The following FBN1 variants were observed in gnomAD, a reference collection of about 807,000 sequenced individuals.
FBN1 encodes the protein fibrillin 1.
FBN1 carries 29 observed loss-of-function variants against 365.1 expected under a neutral mutation model. That is an observed-to-expected ratio of 0.08 (90% CI 0.06 to 0.11). The LOEUF is 0.11. Among genes scored for constraint, FBN1 ranks in the 10% least tolerant of loss-of-function variants. The probability of loss-of-function intolerance (pLI) is 1.00; values close to 1 mark genes in which losing one functional copy is unlikely to be tolerated. For missense variants in FBN1, 2,476 were observed against 3,703.2 expected, an observed-to-expected ratio of 0.67 and a Z score of 8.60; for synonymous variants, 1,210 against 1,270.5, an observed-to-expected ratio of 0.95 and a Z score of 1.01.
intron 6 of FBN1, among the ~76,000 whole-genome samples, chr15:48,591,551 G>A (rs999230810): frequency 6.6e-6 from 1 of 152,144 alleles, no homozygotes; most frequent in Non-Finnish European, 1.5e-5. Flanking sequence ...GAGCAGATTC[G>A]TACGTTGAAA....
intron 6 of FBN1, among the ~76,000 whole-genome samples, chr15:48,571,536 TTAAAG>T (rs1404633690): frequency 6.6e-6 from 1 of 152,050 alleles, no homozygotes; most frequent in Non-Finnish European, 1.5e-5. Context: ...GCAAAAATAT[TTAAAG>T]TAAAGAAGAT....
chr15:48,488,030 A>C, intron 27 of FBN1, 83 bp downstream of exon 27: 1 of 1,579,588 alleles, frequency 6.3e-7, no homozygotes, highest in East Asian at 2.2e-5. Context: ...GGCAGCAGGA[A>C]GAACCTGGAA....
In FBN1 at chr15:48,499,582, T is replaced by G. The variant is rs540822840; in HGVS notation, c.2114-544A>C. Among the ~76,000 whole-genome samples the G allele has an allele frequency of 7.2e-5, 11 of 152,346 alleles. No individual in the cohort carries two copies. In the South Asian group the frequency reaches 1.2e-3, roughly 17 times the overall value. On this transcript the variant is annotated intron_variant, in intron 17 of 65. Coordinates refer to ENST00000316623, the MANE Select transcript of FBN1 (RefSeq NM_000138.5). Reference sequence around the variant, plus strand: ...AATATGTATCAGGATACTGGATTCATTCTCTATGGTATATCCATAGAGAAA... The same window carrying G: ...AATATGTATCAGGATACTGGATTCAGTCTCTATGGTATATCCATAGAGAAA...
intron 53 of FBN1, among the ~76,000 whole-genome samples, chr15:48,436,263 T>TA (rs968575733): frequency 8.5e-5 from 13 of 152,128 alleles, no homozygotes; most frequent in Non-Finnish European, 1.3e-4. Flanking sequence ...CTAGAAAAGC[T>TA]AAAAAAACTG....
chr15:48,618,177 T>C (rs1191024710), intron 2 of FBN1, among the ~76,000 whole-genome samples: 4 of 152,160 alleles, frequency 2.6e-5, no homozygotes, highest in South Asian at 2.1e-4. Context: ...CAACTTCCCA[T>C]GTAATGTGTC....
chr15:48,508,948 CTATT>C (rs2043736209), intron 14 of FBN1, among the ~76,000 whole-genome samples: 1 of 152,118 alleles, frequency 6.6e-6, no homozygotes, highest in Non-Finnish European at 1.5e-5. Flanking sequence ...ATAGGTATAT[CTATT>C]TATAAAATTT....
chr15:48,466,773 C>T (rs1320938954), intron 38 of FBN1, among the ~76,000 whole-genome samples: 1 of 152,074 alleles, frequency 6.6e-6, no homozygotes, highest in African/African-American at 2.4e-5. Flanking sequence ...TCTTAGTTTG[C>T]CCCCTTCGAC....
At position 48,437,025 on chromosome 15, in the gene FBN1, A is replaced by G. The variant is rs1191949195; in HGVS notation, c.6432T>C (p.Asn2144=). Residue 2144 remains asparagine, a synonymous_variant, in exon 53 of 66, where the codon AAT becomes AAC. Coordinates refer to ENST00000316623, the MANE Select transcript of FBN1 (RefSeq NM_000138.5). Reference sequence around the variant, plus strand: ...ACTCGCAGCGATAGGAACCATCTGTATTGATGCACTGTCCATGTTTACAGA... The same window carrying G: ...ACTCGCAGCGATAGGAACCATCTGTGTTGATGCACTGTCCATGTTTACAGA... ...PDVCKHGQCI[N]TDGSYRCECP... 3.1e-6 allele frequency: 5 copies of G among 1,613,576 alleles called. No individual in the cohort carries two copies. Among genetic ancestry groups the G allele is most frequent in the Non-Finnish European group, 4.2e-6 (5 of 1,179,632 alleles).
intron 2 of FBN1, among the ~76,000 whole-genome samples, chr15:48,637,066 T>C (rs1244874819): frequency 6.6e-6 from 1 of 152,162 alleles, no homozygotes; most frequent in Non-Finnish European, 1.5e-5. Flanking sequence ...GCATTCTAGG[T>C]CCTCCTCGCC....
rs1235270450 is a variant in FBN1 at position 48,483,914 on chromosome 15, T to C, written c.3742A>G (p.Ile1248Val). The C allele has an allele frequency of 6.2e-7, 1 of 1,613,412 alleles. No homozygotes were observed. The highest frequency in any genetic ancestry group is 2.2e-5 in the East Asian group (1 of 44,856). ...DIDECEDNPNICDGGQCTNIP... is the reference protein window; with the variant it reads ...DIDECEDNPNVCDGGQCTNIP... ...TTTGTGCACTGACCACCATCACAGA[T>C]ATTGGGATTATCTTCACACTCATCG... The change falls in exon 31 of 66, where the codon ATC (isoleucine) becomes GTC (valine). Residue 1248 changes from isoleucine to valine, a missense_variant. This residue lies in a region of FBN1 where 1,780 missense variants were observed against 2,840.8 expected (regional missense o/e 0.63). Coordinates refer to ENST00000316623, the MANE Select transcript of FBN1 (RefSeq NM_000138.5).
At chr15:48,420,578 T>G in intron 63 of FBN1, 109 bp downstream of exon 63, 2 of 1,438,040 alleles carry the variant, frequency 1.4e-6, no homozygotes, top group Non-Finnish European at 1.9e-6. Flanking sequence ...CAATTTTAAA[T>G]GAGTATTTGT....
At chr15:48,459,756 C>T (rs1423378534) in intron 43 of FBN1, among the ~76,000 whole-genome samples, 1 of 152,164 alleles carries the variant, frequency 6.6e-6, no homozygotes, top group Non-Finnish European at 1.5e-5. Flanking sequence ...GGCCTCAGAC[C>T]GAAAAGATTT....
intron 6 of FBN1, among the ~76,000 whole-genome samples, chr15:48,568,307 T>C (rs573316557): frequency 6.6e-6 from 1 of 152,174 alleles, no homozygotes; most frequent in South Asian, 2.1e-4. Flanking sequence ...ATAAATCTAA[T>C]GACAAAAGTG....
At chr15:48,461,500 CA>C (rs1409154881) in intron 42 of FBN1, among the ~76,000 whole-genome samples, 2 of 152,074 alleles carry the variant, frequency 1.3e-5, no homozygotes, top group African/African-American at 4.8e-5. Flanking sequence ...TATATTAGAA[CA>C]GCTCAGAAAA....
In FBN1 at chr15:48,409,472, C is replaced by A. The variant is rs1335850551; in HGVS notation, c.*1518G>T. On this transcript the variant is annotated 3_prime_UTR_variant, in exon 66 of 66. Coordinates refer to ENST00000316623, the MANE Select transcript of FBN1 (RefSeq NM_000138.5). ...TTCACTACCACGAAATGCTTTCCTG[C>A]CCTTAGGGATTTAAAAAATTATTTC... The A allele has an allele frequency of 6.6e-6, 1 of 152,146 alleles. No homozygotes were observed. The highest frequency in any genetic ancestry group is 2.4e-5 in the African/African-American group (1 of 41,412). The allele number at this position is 152,146 out of a possible 1,614,324, so 9.4% of individuals were successfully genotyped here. A position where few individuals can be genotyped will look rare whatever the true frequency, so the allele number is the denominator to read the frequency against.
At position 48,441,591 on chromosome 15, in the gene FBN1, G is replaced by A. The variant is rs2278187; in HGVS notation, c.6163+130C>T. Reference sequence around the variant, plus strand: ...ACCTTCTGACATATGGTTATCATTAGACCTCTGGGTGAATGAAAACTCTCC... The same window carrying A: ...ACCTTCTGACATATGGTTATCATTAAACCTCTGGGTGAATGAAAACTCTCC... On this transcript the variant is annotated intron_variant, in intron 50 of 65. Coordinates refer to ENST00000316623, the MANE Select transcript of FBN1 (RefSeq NM_000138.5). 0.023 allele frequency: 26,569 copies of A among 1,134,234 alleles called. 630 individuals carry two copies. Among genetic ancestry groups the A allele is most frequent in the East Asian group, 0.11 (4,564 of 42,370 alleles). The allele number at this position is 1,134,234 out of a possible 1,614,324, so 70.3% of individuals were successfully genotyped here. A position where few individuals can be genotyped will look rare whatever the true frequency, so the allele number is the denominator to read the frequency against.
At chr15:48,606,740 A>G (rs1274217899) in intron 4 of FBN1, among the ~76,000 whole-genome samples, 1 of 152,192 alleles carries the variant, frequency 6.6e-6, no homozygotes, top group East Asian at 1.9e-4. Context: ...AAACTAAATA[A>G]AGAATACCCA....
chr15:48,604,498 C>A (rs1323237525), intron 4 of FBN1, among the ~76,000 whole-genome samples: 2 of 152,046 alleles, frequency 1.3e-5, no homozygotes, highest in East Asian at 1.9e-4. Flanking sequence ...TCTGGGGATG[C>A]CTAAAGACAC....
intron 54 of FBN1, 32 bp downstream of exon 54, chr15:48,434,562 G>T: frequency 6.2e-7 from 1 of 1,612,650 alleles, no homozygotes; most frequent in Non-Finnish European, 8.5e-7. Flanking sequence ...ATCAGTACAC[G>T]TAATCAACTG....
Sources: allele counts gnomAD v4.1 joint callset (sites outside exome capture counted in the v4.1 genomes callset), GRCh38; gene constraint gnomAD v4.1.1; regional missense constraint gnomAD v4.1.1; transcripts MANE v1.5; gene names NCBI Gene and HGNC (gene_info 2026-07-23, HGNC 2026-07-21).